The following OR8K3 variants were observed in gnomAD, a reference collection of about 807,000 sequenced individuals.
OR8K3 encodes the protein olfactory receptor 8K3.
For synonymous variants in OR8K3, 167 were observed against 138.8 expected (o/e 1.20, Z -1.43); for missense variants, 448 against 367.4 (o/e 1.22, Z -1.79).
At chr11:56,318,005 T>A (rs2134867544) in intron 2 of OR8K3, among the ~76,000 whole-genome samples, 1 of 152,262 alleles carries the variant, frequency 6.6e-6, no homozygotes, top group African/African-American at 2.4e-5. Flanking sequence ...GCTTCTAACC[T>A]TTAGATGCAA....
chr11:56,319,202 C>A lies in OR8K3; in HGVS notation c.896C>A (p.Ala299Asp). The A allele has an allele frequency of 6.2e-7, 1 of 1,609,324 alleles. No individual in the cohort carries two copies. Among genetic ancestry groups the A allele is most frequent in the Non-Finnish European group, 8.5e-7 (1 of 1,175,796 alleles). ...YSLRNKDVKYALRRTWNNLCN... is the reference protein window; with the variant it reads ...YSLRNKDVKYDLRRTWNNLCN... ...TTACGAAACAAAGATGTAAAATATGCCCTACGAAGGACATGGAATAACTTA... is the reference window on the plus strand; with the variant it reads ...TTACGAAACAAAGATGTAAAATATGACCTACGAAGGACATGGAATAACTTA... The change falls in exon 3 of 3, where the codon GCC (alanine) becomes GAC (aspartate). Residue 299 changes from alanine to aspartate, a missense_variant. Physicochemically the swap from Ala to Asp is moderately radical, Grantham distance 126. Coordinates refer to ENST00000641662, the MANE Select transcript of OR8K3 (RefSeq NM_001005202.2).
rs776358302 is a variant in OR8K3 at position 56,320,568 on chromosome 11, A to G, written c.*1323A>G. On this transcript the variant is annotated 3_prime_UTR_variant, in exon 3 of 3. Coordinates refer to ENST00000641662, the MANE Select transcript of OR8K3 (RefSeq NM_001005202.2). ...TAAAATCCCATGTGCAGCCAAAGAA[A>G]CACTAATGAATATATCTCATTGGAA... is the stretch of plus-strand genomic sequence containing the variant. 1 of 152,240 alleles carries G rather than the reference A, an allele frequency of 6.6e-6. No homozygotes were observed. The highest frequency in any genetic ancestry group is 1.5e-5 in the Non-Finnish European group (1 of 68,038). 9.4% of individuals were successfully genotyped at this position (152,240 alleles called of 1,614,324 possible). A position where few individuals can be genotyped will look rare whatever the true frequency, so the allele number is the denominator to read the frequency against.
At position 56,318,867 on chromosome 11, in the gene OR8K3, G is replaced by T. The variant is rs901159125; in HGVS notation, c.561G>T (p.Leu187Phe). 1 of 1,613,844 alleles carries T rather than the reference G, an allele frequency of 6.2e-7. No homozygotes were observed. ...FYCDSLPLLP[L>F]LCSNTHEIEL... The stretch of plus-strand genomic sequence containing the variant: ...GTGACAGTCTCCCTTTGTTACCTTT[G>T]CTTTGTTCAAATACACATGAAATTG... The change falls in exon 3 of 3, where the codon TTG (leucine) becomes TTT (phenylalanine). Residue 187 changes from leucine to phenylalanine, a missense_variant. Leu to Phe is a conservative substitution (Grantham distance 22). Coordinates refer to ENST00000641662, the MANE Select transcript of OR8K3 (RefSeq NM_001005202.2).
In OR8K3 at chr11:56,319,284, C is replaced by T. The variant is rs770657062; in HGVS notation, c.*39C>T. The T allele has an allele frequency of 8.3e-7, 1 of 1,199,986 alleles. No homozygotes were observed. The highest frequency in any genetic ancestry group is 1.2e-6 in the Non-Finnish European group (1 of 837,360). 74.3% of individuals were successfully genotyped at this position (1,199,986 alleles called of 1,614,324 possible). A position where few individuals can be genotyped will look rare whatever the true frequency, so the allele number is the denominator to read the frequency against. On this transcript the variant is annotated 3_prime_UTR_variant, in exon 3 of 3. Coordinates refer to ENST00000641662, the MANE Select transcript of OR8K3 (RefSeq NM_001005202.2). Reference sequence around the variant, plus strand: ...TGATTCCTATAAATTAGGTTATGGGCATGAATTTTTGCTCTGCATACTTCC... The same window carrying T: ...TGATTCCTATAAATTAGGTTATGGGTATGAATTTTTGCTCTGCATACTTCC...
intron 1 of OR8K3, among the ~76,000 whole-genome samples, chr11:56,315,767 GT>G (rs1401033506): frequency 6.7e-6 from 1 of 149,182 alleles, no homozygotes; most frequent in Admixed American, 6.7e-5. Context: ...GGCTTTTTGG[GT>G]AATCATAGGC....
rs960193 is a variant in OR8K3, at chr11:56,318,671, T to A, written c.365T>A (p.Leu122His). 7.3e-5 allele frequency: 117 copies of A among 1,613,562 alleles called. No homozygotes were observed. Among genetic ancestry groups the A allele is most frequent in the Middle Eastern group, 3.3e-4 (2 of 6,082 alleles). ...LFILSAMSYD[L>H]YVAICNPLLY... The stretch of plus-strand genomic sequence containing the variant: ...ATTCTCTCAGCCATGTCCTACGACC[T>A]CTATGTGGCCATCTGTAACCCTCTG... Residue 122 changes from leucine to histidine, a missense_variant, in exon 3 of 3, where the codon CTC (leucine) becomes CAC (histidine). Physicochemically the swap from Leu to His is moderately conservative, Grantham distance 99. Transcript: ENST00000641662.
rs1001073933 is a variant in OR8K3 at position 56,320,189 on chromosome 11, T to A, written c.*944T>A. 5 of 152,258 alleles carry A rather than the reference T, an allele frequency of 3.3e-5. No individual in the cohort carries two copies. Among genetic ancestry groups the A allele is most frequent in the African/African-American group, 1.2e-4 (5 of 41,474 alleles). The allele number at this position is 152,258 out of a possible 1,614,324, so 9.4% of individuals were successfully genotyped here. A position where few individuals can be genotyped will look rare whatever the true frequency, so the allele number is the denominator to read the frequency against. On this transcript the variant is annotated 3_prime_UTR_variant, in exon 3 of 3. Coordinates refer to ENST00000641662, the MANE Select transcript of OR8K3 (RefSeq NM_001005202.2). The stretch of plus-strand genomic sequence containing the variant: ...CACTGAGTTGACAATCCATAATTTT[T>A]ATCAATATGCACTATATCGAATGCA...
In OR8K3 at chr11:56,319,169, T is replaced by A; in HGVS notation, c.863T>A (p.Ile288Asn). The A allele has an allele frequency of 6.2e-7, 1 of 1,613,362 alleles. No homozygotes were observed. Among genetic ancestry groups the A allele is most frequent in the Non-Finnish European group, 8.5e-7 (1 of 1,179,296 alleles). ...GTTATCCCCATGTTGAATCCCTTGA[T>A]CTATAGTTTACGAAACAAAGATGTA... ...TLVIPMLNPL[I>N]YSLRNKDVKY... The change falls in exon 3 of 3, where the codon ATC (isoleucine) becomes AAC (asparagine). Residue 288 changes from isoleucine to asparagine, a missense_variant. Physicochemically the swap from Ile to Asn is moderately radical, Grantham distance 149. Coordinates refer to ENST00000641662, the MANE Select transcript of OR8K3 (RefSeq NM_001005202.2).
chr11:56,316,484 C>T (rs1854444964), intron 2 of OR8K3, among the ~76,000 whole-genome samples: 1 of 151,736 alleles, frequency 6.6e-6, no homozygotes, highest in African/African-American at 2.4e-5. Context: ...CCATCTCCTG[C>T]TCTACTATAT....
chr11:56,318,981 T>G lies in OR8K3; in HGVS notation c.675T>G (p.Ile225Met), dbSNP rs759505273. The G allele has an allele frequency of 1.9e-6, 3 of 1,614,194 alleles. No homozygotes were observed. The highest frequency in any genetic ancestry group is 1.7e-6 in the Non-Finnish European group (2 of 1,180,028). The change falls in exon 3 of 3, where the codon ATT (isoleucine) becomes ATG (methionine). Residue 225 changes from isoleucine (I) to methionine (M), a missense_variant. Ile to Met is a conservative substitution (Grantham distance 10). Transcript: ENST00000641662. ...CTTACCTGCTCATCCTTGTAGCCATTCTCAGGATGAATTCTGCTGGCAGAC... is the reference window on the plus strand; with the variant it reads ...CTTACCTGCTCATCCTTGTAGCCATGCTCAGGATGAATTCTGCTGGCAGAC... ...LLSYLLILVA[I>M]LRMNSAGRQK...
rs1854494725 is a variant in OR8K3, at chr11:56,319,321, C to A, written c.*76C>A. The A allele has an allele frequency of 4.2e-6, 3 of 721,144 alleles. No individual in the cohort carries two copies. The highest frequency in any genetic ancestry group is 7.0e-6 in the Non-Finnish European group (3 of 428,928). The allele number at this position is 721,144 out of a possible 1,614,324, so 44.7% of individuals were successfully genotyped here. On this transcript the variant is annotated 3_prime_UTR_variant, in exon 3 of 3. Coordinates refer to ENST00000641662, the MANE Select transcript of OR8K3 (RefSeq NM_001005202.2). ...CTCTGCATACTTCCAGAAGACATAACAAGCATAACTGATTCAACATATATT... is the reference window on the plus strand; with the variant it reads ...CTCTGCATACTTCCAGAAGACATAAAAAGCATAACTGATTCAACATATATT...
chr11:56,318,174 A>G, intron 2 of OR8K3, 110 bp from the exon 3 acceptor site: 1 of 572,656 alleles, frequency 1.7e-6, no homozygotes, highest in South Asian at 2.6e-5. Context: ...TATGTTTTCA[A>G]ATGTCGCAAA....
At position 56,315,170 on chromosome 11, in the gene OR8K3, A is replaced by G. The variant is rs1473363282; in HGVS notation, c.-82+3A>G. On this transcript the variant is annotated splice_donor_region_variant and intron_variant, in intron 1 of 2. Coordinates refer to ENST00000641662, the MANE Select transcript of OR8K3 (RefSeq NM_001005202.2). Reference sequence around the variant, plus strand: ...TCAAGACAGAGGCTTCCTTACAGGTAAAAAAAAAAAAAGTAAGAATGTTTC... The same window carrying G: ...TCAAGACAGAGGCTTCCTTACAGGTGAAAAAAAAAAAAGTAAGAATGTTTC... 2.3e-5 allele frequency: 2 copies of G among 87,060 alleles called. No homozygotes were observed. The highest frequency in any genetic ancestry group is 4.3e-4 in the East Asian group (2 of 4,680). The allele number at this position is 87,060 out of a possible 1,614,324, so 5.4% of individuals were successfully genotyped here. A position where few individuals can be genotyped will look rare whatever the true frequency, so the allele number is the denominator to read the frequency against.
At position 56,318,396 on chromosome 11, in the gene OR8K3, G is replaced by T. The variant is rs1854473131; in HGVS notation, c.90G>T (p.Leu30Phe). ...IAELQAPLFA[L>F]FLMIYVISVM... The stretch of plus-strand genomic sequence containing the variant: ...AGCTGCAGGCACCATTATTTGCATT[G>T]TTCCTCATGATCTATGTGATCTCAG... The change falls in exon 3 of 3, where the codon TTG becomes TTT. Residue 30 changes from leucine (L) to phenylalanine (F), a missense_variant. By Grantham distance (22) the Leu-to-Phe change is conservative. Coordinates refer to ENST00000641662, the MANE Select transcript of OR8K3 (RefSeq NM_001005202.2). 6.2e-7 allele frequency: 1 copy of T among 1,613,640 alleles called. No homozygotes were observed. The highest frequency in any genetic ancestry group is 1.1e-5 in the South Asian group (1 of 91,070).
intron 2 of OR8K3, among the ~76,000 whole-genome samples, chr11:56,316,878 T>A (rs1441389514): frequency 2.6e-5 from 4 of 152,066 alleles, no homozygotes; most frequent in Admixed American, 6.6e-5. Context: ...AGTTAGCATT[T>A]CTCAATTATA....
rs759056427 is a variant in OR8K3, at chr11:56,318,348, T to TA, written c.43dup (p.Thr15AsnfsTer8). 1.2e-6 allele frequency: 2 copies of TA among 1,613,856 alleles called. No individual in the cohort carries two copies. Among genetic ancestry groups the TA allele is most frequent in the East Asian group, 4.5e-5 (2 of 44,888 alleles). On this transcript the variant is annotated frameshift_variant, in exon 3 of 3. Transcript: ENST00000641662. LOFTEE classifies it low-confidence loss of function (END_TRUNC). ...TAACAACGGTGAATGAATTCATTCT[T>TA]ACGGGAATCACAGATATCGCTGAGC...
At position 56,318,854 on chromosome 11, in the gene OR8K3, C is replaced by T; in HGVS notation, c.548C>T (p.Pro183Leu). Residue 183 changes from proline (P) to leucine (L), a missense_variant, in exon 3 of 3, where the codon CCT becomes CTT. Pro to Leu is a moderately conservative substitution (Grantham distance 98, BLOSUM62 -3). Transcript: ENST00000641662. ...AGTCATTTCTACTGTGACAGTCTCC[C>T]TTTGTTACCTTTGCTTTGTTCAAAT... ...VISHFYCDSL[P>L]LLPLLCSNTH... 6.2e-7 allele frequency: 1 copy of T among 1,614,050 alleles called. No individual in the cohort carries two copies. Among genetic ancestry groups the T allele is most frequent in the South Asian group, 1.1e-5 (1 of 91,084 alleles).
intron 2 of OR8K3, 122 bp downstream of exon 2, chr11:56,316,179 A>G (rs1328010502): frequency 6.6e-6 from 1 of 151,984 alleles, no homozygotes; most frequent in Admixed American, 6.6e-5. Context: ...TAACTTTTCC[A>G]TCTACTGCCA....
At position 56,318,393 on chromosome 11, in the gene OR8K3, A is replaced by G. The variant is rs1261675776; in HGVS notation, c.87A>G (p.Ala29=). Residue 29 remains alanine (A), a synonymous_variant, in exon 3 of 3, where the codon GCA becomes GCG. Coordinates refer to ENST00000641662, the MANE Select transcript of OR8K3 (RefSeq NM_001005202.2). ...DIAELQAPLF[A]LFLMIYVISV... Reference sequence around the variant, plus strand: ...CTGAGCTGCAGGCACCATTATTTGCATTGTTCCTCATGATCTATGTGATCT... The same window carrying G: ...CTGAGCTGCAGGCACCATTATTTGCGTTGTTCCTCATGATCTATGTGATCT... The G allele has an allele frequency of 5.0e-6, 8 of 1,613,780 alleles. No individual in the cohort carries two copies. The highest frequency in any genetic ancestry group is 5.9e-6 in the Non-Finnish European group (7 of 1,179,754).
Sources: gnomAD v4.1 joint callset for allele counts (sites outside exome capture counted in the v4.1 genomes callset) on GRCh38, gnomAD v4.1.1 for gene constraint, MANE v1.5 for transcripts, NCBI Gene and HGNC (gene_info 2026-07-23, HGNC 2026-07-21) for gene names.